The following TOGARAM1 variants were observed in gnomAD, a reference collection of about 807,000 sequenced individuals.
TOGARAM1 encodes the protein TOG array regulator of axonemal microtubules protein 1.
Under a neutral mutation model 166.6 loss-of-function variants are expected in TOGARAM1, and 100 were observed. The observed-to-expected ratio is 0.60, with a 90% CI of 0.51 to 0.71. The LOEUF (loss-of-function observed/expected upper bound fraction) is 0.71, where lower values mean the gene tolerates loss of function less well. Among genes scored for constraint, TOGARAM1 ranks in the 30% least tolerant of loss-of-function variants. The pLI is 0.00. For synonymous variants in TOGARAM1, 758 were observed against 763.8 expected, an observed-to-expected ratio of 0.99 and a Z score of 0.13; for missense variants, 2,029 against 2,102.7, an observed-to-expected ratio of 0.96 and a Z score of 0.69.
intron 16 of TOGARAM1, among the ~76,000 whole-genome samples, chr14:45,063,478 A>ATTTTTTTTTTTTTTTTTTTT: frequency 2.2e-5 from 3 of 134,022 alleles, no homozygotes; most frequent in Admixed American, 7.1e-5. Context: ...CATTTGACAA[A>ATTTTTTTTTTTTTTTTTTTT]GTTTTTTTTT....
At position 45,006,028 on chromosome 14, in the gene TOGARAM1, C is replaced by A; in HGVS notation, c.2665C>A (p.Pro889Thr). 6.5e-7 allele frequency: 1 copy of A among 1,549,494 alleles called. No individual in the cohort carries two copies. The highest frequency in any genetic ancestry group is 8.7e-7 in the Non-Finnish European group (1 of 1,150,236). ...TGCAGGAGAAAATTCTCAAGAAAAA[C>A]CTCCAGTTCAGCTTACACCTGCCTT... ...RNHGENSQEK[P>T]PVQLTPALVR... The change falls in exon 5 of 20, where the codon CCT becomes ACT. Residue 889 changes from proline to threonine, a missense_variant. By Grantham distance (38) the Pro-to-Thr change is conservative (BLOSUM62 -1). Coordinates refer to ENST00000361462, the MANE Select transcript of TOGARAM1 (RefSeq NM_001308120.2).
At chr14:44,966,409 G>T (rs1258089028) in intron 1 of TOGARAM1, among the ~76,000 whole-genome samples, 2 of 151,924 alleles carry the variant, frequency 1.3e-5, no homozygotes, top group African/African-American at 4.8e-5. Context: ...GGAAGCAGAG[G>T]TTGCAGTGAG....
At chr14:45,053,063 A>G (rs912607916) in intron 15 of TOGARAM1, among the ~76,000 whole-genome samples, 1 of 144,230 alleles carries the variant, frequency 6.9e-6, no homozygotes, top group Non-Finnish European at 1.5e-5. Context: ...CTTTTGAGAC[A>G]GAGTCTTGCT....
Position 44,985,445 on chromosome 14 carries a change from A to G in TOGARAM1, c.2047-10301A>G, listed in dbSNP as rs180791932. ...CAGTTTCATGGAAGATAATTTTTCC[A>G]TAGACTAGGGGGTGGGGGATGGTTT... On this transcript the variant is annotated intron_variant, in intron 1 of 19. Transcript: ENST00000361462. 1.9e-3 allele frequency among the ~76,000 whole-genome samples: 283 copies of G among 152,322 alleles called. 2 individuals are homozygous for G. The highest frequency in any genetic ancestry group is 6.4e-3 in the African/African-American group (266 of 41,562).
At chr14:45,011,865 T>TTAGATAATAAGGG in intron 6 of TOGARAM1, 110 bp from the exon 7 acceptor site, 1 of 686,704 alleles carries the variant, frequency 1.5e-6, no homozygotes, top group South Asian at 2.3e-5. Flanking sequence ...TATTGCTCCC[T>TTAGATAATAAGGG]TATTATCTAA....
At chr14:44,986,342 T>C (rs1372944609) in intron 1 of TOGARAM1, among the ~76,000 whole-genome samples, 1 of 152,126 alleles carries the variant, frequency 6.6e-6, no homozygotes, top group Non-Finnish European at 1.5e-5. Flanking sequence ...CATGCTGGAG[T>C]GTAGTGGCAT....
intron 16 of TOGARAM1, among the ~76,000 whole-genome samples, chr14:45,057,790 G>A (rs888751930): frequency 9.9e-5 from 15 of 151,926 alleles, no homozygotes; most frequent in African/African-American, 3.1e-4. Context: ...TTATTCTGTT[G>A]TGCTCTAAGA....
chr14:45,023,493 A>C (rs941075423), intron 7 of TOGARAM1, among the ~76,000 whole-genome samples: 1 of 152,164 alleles, frequency 6.6e-6, no homozygotes, highest in Non-Finnish European at 1.5e-5. Flanking sequence ...GTATTATTTT[A>C]ATGCTTCAGA....
At chr14:45,011,038 A>G (rs1879756787) in intron 6 of TOGARAM1, among the ~76,000 whole-genome samples, 1 of 152,218 alleles carries the variant, frequency 6.6e-6, no homozygotes, top group Non-Finnish European at 1.5e-5. Flanking sequence ...AATATTCATT[A>G]CTAACTTACT....
rs1404320352 is a variant in TOGARAM1 at position 44,999,530 on chromosome 14, A to G, written c.2338+33A>G. On this transcript the variant is annotated intron_variant, in intron 3 of 19. Coordinates refer to ENST00000361462, the MANE Select transcript of TOGARAM1 (RefSeq NM_001308120.2). Reference sequence around the variant, plus strand: ...TTCCAAATTTACTTGGAAACAAATGACTTATAAATATTATGTGGGGATTCC... The same window carrying G: ...TTCCAAATTTACTTGGAAACAAATGGCTTATAAATATTATGTGGGGATTCC... 2.6e-6 allele frequency: 4 copies of G among 1,532,974 alleles called. No homozygotes were observed. In the African/African-American group the frequency reaches 5.5e-5, roughly 21 times the overall value. 95.0% of individuals were successfully genotyped at this position (1,532,974 alleles called of 1,614,324 possible).
intron 18 of TOGARAM1, among the ~76,000 whole-genome samples, chr14:45,068,954 A>T (rs1292516346): frequency 1.3e-5 from 2 of 151,974 alleles, no homozygotes; most frequent in Non-Finnish European, 2.9e-5. Context: ...AGAAAAAAAT[A>T]TAAAAATAAG....
In TOGARAM1 at chr14:45,046,661, C is replaced by A; in HGVS notation, c.4271C>A (p.Pro1424Gln). The stretch of plus-strand genomic sequence containing the variant: ...AAGGATATGGCTGAACGCATATTAC[C>A]AGCTGCTGCTAAGTTTGCTCAAGAC... ...AAKDMAERIL[P>Q]AAAKFAQDSS... The change falls in exon 14 of 20, where the codon CCA becomes CAA. Residue 1424 changes from proline (P) to glutamine (Q), a missense_variant. Physicochemically the swap from Pro to Gln is moderately conservative, Grantham distance 76. Transcript: ENST00000361462. 7.5e-7 allele frequency: 1 copy of A among 1,333,876 alleles called. No individual in the cohort carries two copies. Among genetic ancestry groups the A allele is most frequent in the Non-Finnish European group, 9.7e-7 (1 of 1,034,356 alleles). The allele number at this position is 1,333,876 out of a possible 1,614,324, so 82.6% of individuals were successfully genotyped here. A position where few individuals can be genotyped will look rare whatever the true frequency, so the allele number is the denominator to read the frequency against.
intron 3 of TOGARAM1, among the ~76,000 whole-genome samples, chr14:44,999,768 A>C (rs1012500339): frequency 1.3e-5 from 2 of 152,142 alleles, no homozygotes; most frequent in Non-Finnish European, 2.9e-5. Context: ...ATAGTGGTAC[A>C]TATTTGTGGG....
chr14:45,060,088 T>C (rs1162508148), intron 16 of TOGARAM1, among the ~76,000 whole-genome samples: 1 of 151,646 alleles, frequency 6.6e-6, no homozygotes, highest in Non-Finnish European at 1.5e-5. Context: ...AATTTTTTTT[T>C]TTTGTATTTT....
rs375715688 is a variant in TOGARAM1 at position 45,073,584 on chromosome 14, A to G, written c.*23A>G. 10 of 1,597,564 alleles carry G rather than the reference A, an allele frequency of 6.3e-6. No individual in the cohort carries two copies. Among genetic ancestry groups the G allele is most frequent in the Admixed American group, 1.7e-5 (1 of 58,572 alleles). ...TGAATCTTCGATAAAATACTGTATG[A>G]TGAACAAAAGTGTTTACATGATGAC... On this transcript the variant is annotated 3_prime_UTR_variant, in exon 20 of 20. Coordinates refer to ENST00000361462, the MANE Select transcript of TOGARAM1 (RefSeq NM_001308120.2).
At chr14:44,994,506 C>T (rs943623022) in intron 1 of TOGARAM1, among the ~76,000 whole-genome samples, 1 of 151,716 alleles carries the variant, frequency 6.6e-6, no homozygotes, top group African/African-American at 2.4e-5. Context: ...GCAGCCTCTA[C>T]CTTTCAGGTT....
At chr14:45,024,732 G>T (rs1292114056) in intron 7 of TOGARAM1, among the ~76,000 whole-genome samples, 1 of 152,132 alleles carries the variant, frequency 6.6e-6, no homozygotes, top group Non-Finnish European at 1.5e-5. Flanking sequence ...GCATACTAAA[G>T]AAGAAATACA....
At position 45,028,217 on chromosome 14, in the gene TOGARAM1, A is replaced by G. The variant is rs1880969631; in HGVS notation, c.3546A>G (p.Arg1182=). The G allele has an allele frequency of 1.9e-6, 3 of 1,593,878 alleles. No individual in the cohort carries two copies. The highest frequency in any genetic ancestry group is 3.7e-5 in the Admixed American group (2 of 53,652). ...SISKSTYNKM[R]QKRKEEKELF... ...CTAAATCTACTTATAACAAGATGAG[A>G]CAAAAGAGAAAAGAAGAGAAAGAAC... is the stretch of plus-strand genomic sequence containing the variant. Residue 1182 remains arginine, a synonymous_variant, in exon 10 of 20, where the codon AGA becomes AGG. Transcript: ENST00000361462.
At chr14:44,972,878 C>T (rs989545454) in intron 1 of TOGARAM1, among the ~76,000 whole-genome samples, 2 of 152,064 alleles carry the variant, frequency 1.3e-5, no homozygotes, top group African/African-American at 2.4e-5. Flanking sequence ...CCTCAAATAA[C>T]GTTATTTTGT....
Sources: gnomAD v4.1 joint callset for allele counts (sites outside exome capture counted in the v4.1 genomes callset) on GRCh38, gnomAD v4.1.1 for gene constraint, MANE v1.5 for transcripts, NCBI Gene and HGNC (gene_info 2026-07-23, HGNC 2026-07-21) for gene names.